Variants in NCAM2 observed in about 807,000 individuals in gnomAD.
NCAM2 encodes neural cell adhesion molecule 2, also known as N-CAM-2.
NCAM2 carries 30 observed loss-of-function variants against 98.1 expected under a neutral mutation model. The ratio of observed to expected loss-of-function variants is 0.31; its 90% CI spans 0.23 to 0.41. The LOEUF (loss-of-function observed/expected upper bound fraction) is 0.41. NCAM2 is among the 10% of genes least tolerant of loss of function. The pLI is 1.00. For synonymous variants in NCAM2, 368 were observed against 342.4 expected, an observed-to-expected ratio of 1.07 and a Z score of -0.83; for missense variants, 867 against 1,005.8, an observed-to-expected ratio of 0.86 and a Z score of 1.87.
chr21:21,302,160 C>T, intron 5 of NCAM2, among the ~76,000 whole-genome samples: 1 of 146,378 alleles, frequency 6.8e-6, no homozygotes, highest in East Asian at 1.9e-4. Flanking sequence ...GACACATGCA[C>T]ACGTATGTTT....
intron 15 of NCAM2, among the ~76,000 whole-genome samples, chr21:21,490,536 A>G (rs1338714676): frequency 6.6e-6 from 1 of 151,948 alleles, no homozygotes; most frequent in South Asian, 2.1e-4. Flanking sequence ...CATAATAATG[A>G]GACACAACTT....
chr21:21,227,847 T>C (rs1377160982), intron 1 of NCAM2, among the ~76,000 whole-genome samples: 1 of 151,848 alleles, frequency 6.6e-6, no homozygotes, highest in African/African-American at 2.4e-5. Context: ...TAAAGAGCTT[T>C]TGTGAGTAGC....
intron 1 of NCAM2, among the ~76,000 whole-genome samples, chr21:21,164,255 T>A (rs2067881420): frequency 6.6e-6 from 1 of 152,250 alleles, no homozygotes. Flanking sequence ...TTCTGTATTT[T>A]TATTTGACAT....
chr21:21,135,956 A>G (rs1239978032), intron 1 of NCAM2, among the ~76,000 whole-genome samples: 1 of 152,054 alleles, frequency 6.6e-6, no homozygotes, highest in Non-Finnish European at 1.5e-5. Context: ...AATTGTTATG[A>G]CATCATTTGA....
chr21:21,430,036 A>T (rs2077297036), intron 11 of NCAM2, among the ~76,000 whole-genome samples: 1 of 151,698 alleles, frequency 6.6e-6, no homozygotes, highest in African/African-American at 2.4e-5. Flanking sequence ...ATTTGTATTT[A>T]TTTATTTTTG....
chr21:21,351,343 C>G (rs2075334142), intron 8 of NCAM2, among the ~76,000 whole-genome samples: 1 of 151,978 alleles, frequency 6.6e-6, no homozygotes, highest in Non-Finnish European at 1.5e-5. Flanking sequence ...AAATCAACAG[C>G]TTAAACTTTT....
intron 16 of NCAM2, among the ~76,000 whole-genome samples, chr21:21,528,620 T>C (rs912113995): frequency 1.3e-5 from 2 of 152,162 alleles, no homozygotes; most frequent in Admixed American, 1.3e-4. Flanking sequence ...TGTATATGGT[T>C]AATAGTTTGT....
chr21:21,116,847 T>A (rs1482613154), intron 1 of NCAM2, among the ~76,000 whole-genome samples: 1 of 149,642 alleles, frequency 6.7e-6, no homozygotes, highest in East Asian at 2.0e-4. Context: ...AGAGCCAGAC[T>A]CCGTCTCAAA....
At chr21:21,533,221 A>G (rs1182424716) in intron 16 of NCAM2, among the ~76,000 whole-genome samples, 1 of 134,052 alleles carries the variant, frequency 7.5e-6, no homozygotes, top group East Asian at 2.1e-4. Flanking sequence ...AAATTTTAAT[A>G]TCCTATATCC....
rs201672548 is a variant in NCAM2 at position 21,521,973 on chromosome 21, ATAT to A, written c.2283-12562_2283-12560del. 1.3e-3 allele frequency among the ~76,000 whole-genome samples: 199 copies of A among 150,628 alleles called. 1 individual carries two copies. In the East Asian group the frequency reaches 0.035, roughly 27 times the overall value. ...AAGAAAATGCCCACATATATACATC[ATAT>A]TCAAACTGCAGAAAATTAATGTGTA... is the stretch of plus-strand genomic sequence containing the variant. On this transcript the variant is annotated intron_variant, in intron 16 of 17. Coordinates refer to ENST00000400546, the MANE Select transcript of NCAM2 (RefSeq NM_004540.5).
intron 12 of NCAM2, among the ~76,000 whole-genome samples, chr21:21,449,681 A>G (rs1241714418): frequency 1.3e-5 from 2 of 152,034 alleles, no homozygotes; most frequent in Admixed American, 1.3e-4. Flanking sequence ...TATCTATTAT[A>G]GTATATAAAT....
intron 1 of NCAM2, among the ~76,000 whole-genome samples, chr21:21,023,049 C>T (rs1205041499): frequency 2.0e-5 from 3 of 152,030 alleles, no homozygotes; most frequent in African/African-American, 7.2e-5. Flanking sequence ...ATATATACAA[C>T]AGTAAGCTTT....
chr21:21,462,209 TG>T (rs1400741868), intron 12 of NCAM2, among the ~76,000 whole-genome samples: 2 of 152,144 alleles, frequency 1.3e-5, no homozygotes, highest in East Asian at 3.9e-4. Flanking sequence ...GCACAGTACT[TG>T]ACAATATGAA....
intron 5 of NCAM2, among the ~76,000 whole-genome samples, chr21:21,296,954 G>C (rs1193179442): frequency 6.6e-6 from 1 of 151,612 alleles, no homozygotes; most frequent in Non-Finnish European, 1.5e-5. Context: ...TACTGCTTAT[G>C]TTCTCTGTGT....
chr21:21,504,904 T>C (rs939160775), intron 15 of NCAM2, among the ~76,000 whole-genome samples: 1 of 151,884 alleles, frequency 6.6e-6, no homozygotes, highest in East Asian at 1.9e-4. Context: ...GGTGTATCCA[T>C]CACCTCAAGC....
At chr21:21,240,465 C>G (rs2071022660) in intron 1 of NCAM2, among the ~76,000 whole-genome samples, 1 of 151,670 alleles carries the variant, frequency 6.6e-6, no homozygotes, top group Admixed American at 6.6e-5. Context: ...GATATCCAGC[C>G]AAAGGGAAGG....
intron 1 of NCAM2, among the ~76,000 whole-genome samples, chr21:21,137,816 T>C (rs962262527): frequency 6.6e-6 from 1 of 151,578 alleles, no homozygotes; most frequent in African/African-American, 2.4e-5. Context: ...ATCCAGAGGA[T>C]ATCTTTTGAA....
At chr21:21,470,802 A>G (rs1290536355) in intron 14 of NCAM2, among the ~76,000 whole-genome samples, 5 of 152,050 alleles carry the variant, frequency 3.3e-5, no homozygotes, top group African/African-American at 9.7e-5. Context: ...TAATCAATCA[A>G]TTACTAAGTT....
At chr21:21,522,163 TATGA>T (rs899293956) in intron 16 of NCAM2, among the ~76,000 whole-genome samples, 4 of 148,004 alleles carry the variant, frequency 2.7e-5, no homozygotes, top group Admixed American at 2.0e-4. Context: ...ATACTATATA[TATGA>T]ATATGAATAT....
Sources: gnomAD v4.1 joint callset for allele counts (sites outside exome capture counted in the v4.1 genomes callset) on GRCh38, gnomAD v4.1.1 for gene constraint, MANE v1.5 for transcripts, NCBI Gene and HGNC (gene_info 2026-07-23, HGNC 2026-07-21) for gene names.